Variants in AGBL1 observed in about 807,000 individuals in gnomAD.
AGBL1 encodes the protein cytosolic carboxypeptidase 4.
A neutral mutation model predicts 118.9 loss-of-function variants in AGBL1; 130 were observed. That is an observed-to-expected ratio of 1.09 (90% CI 0.95 to 1.26). The LOEUF (loss-of-function observed/expected upper bound fraction) is 1.26, where lower values mean the gene tolerates loss of function less well. Ranked by LOEUF, AGBL1 falls within the 50% of genes most tolerant of loss-of-function variation. The pLI is 0.00. For synonymous variants in AGBL1, 555 were observed against 478.9 expected (o/e 1.16, Z -2.08); for missense variants, 1,584 against 1,298.1 (o/e 1.22, Z -3.38).
At chr15:86,620,099 A>C (rs143722881) in intron 21 of AGBL1, among the ~76,000 whole-genome samples, 109 of 152,250 alleles carry the variant, frequency 7.2e-4, no homozygotes, top group African/African-American at 2.5e-3. Flanking sequence ...AATATCACTT[A>C]TTTGTGAGTT....
intron 23 of AGBL1, among the ~76,000 whole-genome samples, chr15:86,944,071 A>C (rs1034542979): frequency 2.6e-5 from 4 of 152,142 alleles, no homozygotes; most frequent in African/African-American, 9.7e-5. Flanking sequence ...GAAGAGTAAG[A>C]GTCAGGTGAA....
intron 22 of AGBL1, among the ~76,000 whole-genome samples, chr15:86,745,761 C>T (rs1049228508): frequency 7.9e-5 from 12 of 152,038 alleles, no homozygotes; most frequent in African/African-American, 2.9e-4. Context: ...GGTAGCCAGT[C>T]ATTATTTGGT....
chr15:86,724,512 A>G (rs541630151), intron 22 of AGBL1, among the ~76,000 whole-genome samples: 2 of 152,162 alleles, frequency 1.3e-5, no homozygotes, highest in East Asian at 1.9e-4. Flanking sequence ...CTTTTGGCCC[A>G]AAAATCACAG....
At chr15:87,021,808 T>A (rs2081667607) in intron 24 of AGBL1, among the ~76,000 whole-genome samples, 1 of 152,080 alleles carries the variant, frequency 6.6e-6, no homozygotes, top group Non-Finnish European at 1.5e-5. Context: ...GAGGCTTGCA[T>A]TATGAATTTC....
chr15:86,722,367 T>C (rs2086738077), intron 22 of AGBL1, among the ~76,000 whole-genome samples: 1 of 152,138 alleles, frequency 6.6e-6, no homozygotes, highest in African/African-American at 2.4e-5. Flanking sequence ...TCTACAACCA[T>C]CTGATCTTTG....
At chr15:86,649,581 A>G (rs888976849) in intron 21 of AGBL1, among the ~76,000 whole-genome samples, 1 of 152,150 alleles carries the variant, frequency 6.6e-6, no homozygotes, top group African/African-American at 2.4e-5. Flanking sequence ...AATATATGCA[A>G]ATATGTGATT....
chr15:86,229,679 C>T (rs2141944969), intron 6 of AGBL1, among the ~76,000 whole-genome samples: 1 of 152,190 alleles, frequency 6.6e-6, no homozygotes, highest in East Asian at 1.9e-4. Context: ...CTTTTTGCTT[C>T]CTCAATTACC....
chr15:86,346,582 C>G (rs1197608279), intron 17 of AGBL1, among the ~76,000 whole-genome samples: 2 of 152,024 alleles, frequency 1.3e-5, no homozygotes, highest in Non-Finnish European at 2.9e-5. Flanking sequence ...ATCTCCTGAC[C>G]TCATGATCCT....
intron 6 of AGBL1, among the ~76,000 whole-genome samples, chr15:86,237,433 G>A (rs2078570327): frequency 6.6e-6 from 1 of 152,142 alleles, no homozygotes; most frequent in South Asian, 2.1e-4. Context: ...GTGGACAGAC[G>A]GGTGCCTTAA....
intron 19 of AGBL1, among the ~76,000 whole-genome samples, chr15:86,543,739 C>A (rs902145489): frequency 2.6e-5 from 4 of 152,174 alleles, no homozygotes; most frequent in African/African-American, 9.7e-5. Flanking sequence ...ACTGGCCCTA[C>A]CCAAAGGATA....
At chr15:86,618,827 C>A (rs1199379985) in intron 21 of AGBL1, among the ~76,000 whole-genome samples, 2 of 152,234 alleles carry the variant, frequency 1.3e-5, no homozygotes, top group African/African-American at 4.8e-5. Context: ...ATTACAGACC[C>A]TCCGTGGATC....
intron 1 of AGBL1, among the ~76,000 whole-genome samples, chr15:86,122,234 T>C (rs1415994605): frequency 1.3e-5 from 2 of 152,200 alleles, no homozygotes; most frequent in African/African-American, 4.8e-5. Context: ...TACAGGGTCC[T>C]GTTGCAAACG....
chr15:86,854,885 G>A (rs1003016682), intron 22 of AGBL1, among the ~76,000 whole-genome samples: 3 of 152,072 alleles, frequency 2.0e-5, no homozygotes, highest in Non-Finnish European at 4.4e-5. Flanking sequence ...GTTGCAATTC[G>A]TTCCCCTCAA....
intron 13 of AGBL1, among the ~76,000 whole-genome samples, chr15:86,268,865 C>G (rs1271783120): frequency 6.6e-6 from 1 of 152,102 alleles, no homozygotes; most frequent in Non-Finnish European, 1.5e-5. Context: ...TGCCATTTAC[C>G]AGGGGTCCAG....
downstream of AGBL1, chr15:87,029,156 CATAG>C (rs909569514): frequency 8.2e-6 from 2 of 243,476 alleles, no homozygotes; most frequent in East Asian, 8.0e-5. Context: ...AGGTACTTCA[CATAG>C]ATAGTCTTCT....
chr15:86,331,903 A>G (rs777730524), intron 17 of AGBL1, among the ~76,000 whole-genome samples: 13 of 152,206 alleles, frequency 8.5e-5, no homozygotes, highest in Non-Finnish European at 1.8e-4. Flanking sequence ...CTACAAAGCA[A>G]CAGGCTAACA....
intron 21 of AGBL1, among the ~76,000 whole-genome samples, chr15:86,660,335 C>A (rs1437927690): frequency 6.6e-6 from 1 of 152,042 alleles, no homozygotes; most frequent in Non-Finnish European, 1.5e-5. Flanking sequence ...TACATAAATA[C>A]ATTTATAAAC....
rs568013750 is a variant in AGBL1, at chr15:86,170,592, C to A, written c.488+11566C>A. Among the ~76,000 whole-genome samples, 5 of 152,162 alleles carry A rather than the reference C, an allele frequency of 3.3e-5. No individual in the cohort carries two copies. In the East Asian group the frequency reaches 9.7e-4, roughly 29 times the overall value. On this transcript the variant is annotated intron_variant, in intron 5 of 22. Transcript: ENST00000614907. ...AGGTGTGGTGGCTTATGCCTGTAAT[C>A]CCAGCACTTTGGGAGGCTGAGTTGG... is the stretch of plus-strand genomic sequence containing the variant.
At chr15:86,964,057 T>G (rs72755675) in intron 23 of AGBL1, among the ~76,000 whole-genome samples, 670 of 132,066 alleles carry the variant, frequency 5.1e-3, no homozygotes, top group African/African-American at 0.011. Flanking sequence ...GTGTGTGTGT[T>G]TGTGTGTGAC....
Sources: allele counts gnomAD v4.1 joint callset (sites outside exome capture counted in the v4.1 genomes callset), GRCh38; gene constraint gnomAD v4.1.1; transcripts MANE v1.5; gene names NCBI Gene and HGNC (gene_info 2026-07-23, HGNC 2026-07-21).